Variants in KAZN observed in about 807,000 individuals in gnomAD.
The protein encoded by KAZN is kazrin.
Under a neutral mutation model 87.4 loss-of-function variants are expected in KAZN, and 40 were observed. That is an observed-to-expected ratio of 0.46 (90% CI 0.36 to 0.60). The LOEUF (loss-of-function observed/expected upper bound fraction) is 0.60. Ranked by LOEUF, KAZN falls within the 20% of genes least tolerant of loss-of-function variation. The pLI, the probability that KAZN is intolerant of heterozygous loss-of-function variation, is 0.00. For synonymous variants in KAZN, 466 were observed against 458.3 expected, an observed-to-expected ratio of 1.02 and a Z score of -0.22; for missense variants, 898 against 1,073.9, an observed-to-expected ratio of 0.84 and a Z score of 2.29.
chr1:14,774,936 C>A (rs933711428), intron 1 of KAZN, among the ~76,000 whole-genome samples: 1 of 152,186 alleles, frequency 6.6e-6, no homozygotes, highest in Non-Finnish European at 1.5e-5. Flanking sequence ...CGATTGAGAG[C>A]CCATGGAATA....
rs867183071 is a variant in KAZN, at chr1:15,065,909, G to A, written c.1222+156G>A. The A allele has an allele frequency of 4.1e-5, 60 of 1,463,150 alleles. No homozygotes were observed. The Middle Eastern group carries it at 2.3e-3, about 56-fold the overall frequency. 90.6% of individuals were successfully genotyped at this position (1,463,150 alleles called of 1,614,324 possible). ...GCGTGGGGTGCGTGTGCACGTGTGC[G>A]CTGGCACACATGGGTGCTGGGTGTG... On this transcript the variant is annotated intron_variant, in intron 8 of 14. Transcript: ENST00000376030.
intron 2 of KAZN, among the ~76,000 whole-genome samples, chr1:14,388,135 C>T (rs1054756785): frequency 2.4e-4 from 37 of 152,320 alleles, no homozygotes; most frequent in African/African-American, 7.5e-4. Context: ...TGATCCCTTG[C>T]GCTTCCCGAG....
chr1:14,135,013 A>ACACACG (rs773956027), intron 1 of KAZN, among the ~76,000 whole-genome samples: 1,395 of 77,128 alleles, frequency 0.018, 20 homozygotes, highest in African/African-American at 0.057. Flanking sequence ...ATGTGCACAC[A>ACACACG]TGCACACATA....
intron 1 of KAZN, among the ~76,000 whole-genome samples, chr1:14,734,815 A>G (rs1643843191): frequency 6.6e-6 from 1 of 152,350 alleles, no homozygotes; most frequent in Admixed American, 6.5e-5. Flanking sequence ...TCCAGGGCAC[A>G]CCAGTCTCCT....
intron 8 of KAZN, among the ~76,000 whole-genome samples, chr1:15,074,736 C>T (rs1639664075): frequency 6.6e-6 from 1 of 152,150 alleles, no homozygotes; most frequent in Non-Finnish European, 1.5e-5. Flanking sequence ...GGGCAAACTC[C>T]CTGGGTTTCA....
intron 2 of KAZN, among the ~76,000 whole-genome samples, chr1:14,311,453 C>T (rs867487336): frequency 1.1e-4 from 16 of 152,206 alleles, no homozygotes; most frequent in African/African-American, 3.6e-4. Flanking sequence ...CAATTTCCTC[C>T]ATTAAGACAG....
At position 14,224,803 on chromosome 1, in the gene KAZN, A is replaced by G. The variant is rs542482058; in HGVS notation, c.249+44211A>G. Among the ~76,000 whole-genome samples, 52 of 152,332 alleles carry G rather than the reference A, an allele frequency of 3.4e-4. 1 individual carries two copies. In the South Asian group the frequency reaches 0.01, roughly 30 times the overall value. ...ATGTTGGACTCAACTCTTCCTTTTC[A>G]TAATAAATATTTTGTAACATCCGTT... On this transcript the variant is annotated intron_variant, in intron 2 of 16. Transcript: ENST00000636203.
At chr1:15,046,436 C>CT (rs1673537106) in intron 4 of KAZN, among the ~76,000 whole-genome samples, 1 of 148,868 alleles carries the variant, frequency 6.7e-6, no homozygotes, top group African/African-American at 2.6e-5. Flanking sequence ...GAAGGATTGG[C>CT]TTTGCTGTCT....
At chr1:15,095,214 C>T (rs979244021) in intron 10 of KAZN, among the ~76,000 whole-genome samples, 1 of 152,234 alleles carries the variant, frequency 6.6e-6, no homozygotes. Context: ...CTCACGAGCC[C>T]CCCAGCACTC....
chr1:14,138,339 A>G (rs1336876337), intron 1 of KAZN, among the ~76,000 whole-genome samples: 2 of 152,130 alleles, frequency 1.3e-5, no homozygotes, highest in East Asian at 3.9e-4. Context: ...AAGCAGATCT[A>G]GGAGTCACGT....
At chr1:14,421,725 A>G (rs565559302) in intron 2 of KAZN, among the ~76,000 whole-genome samples, 2 of 152,146 alleles carry the variant, frequency 1.3e-5, no homozygotes, top group Non-Finnish European at 2.9e-5. Context: ...GAGAGTGGGC[A>G]TGTGACTGCC....
chr1:14,254,095 T>G (rs575633720), intron 2 of KAZN, among the ~76,000 whole-genome samples: 10 of 152,282 alleles, frequency 6.6e-5, no homozygotes, highest in African/African-American at 1.9e-4. Context: ...GATCTGCTTT[T>G]ATGCATTTTT....
intron 2 of KAZN, among the ~76,000 whole-genome samples, chr1:14,244,809 G>T (rs186801330): frequency 1.6e-4 from 24 of 152,210 alleles, no homozygotes; most frequent in Non-Finnish European, 1.2e-4. Context: ...TGGGTAGGGG[G>T]TGTTGACAGA....
intron 2 of KAZN, among the ~76,000 whole-genome samples, chr1:14,540,322 T>C (rs1173592490): frequency 6.6e-6 from 1 of 152,168 alleles, no homozygotes; most frequent in Non-Finnish European, 1.5e-5. Context: ...CCCCTTCCTC[T>C]CTTAGGTGAG....
In KAZN at chr1:14,923,037, CTTG is replaced by C. The variant is rs1346259048; in HGVS notation, c.227-37643_227-37641del. Among the ~76,000 whole-genome samples the C allele has an allele frequency of 4.6e-5, 7 of 152,186 alleles. No individual in the cohort carries two copies. The highest frequency in any genetic ancestry group is 1.0e-4 in the Non-Finnish European group (7 of 68,036). ...AGGGAAAGTAATTAGGTTCTCACAGCTTGTTGGACAGCCATAGGCCAGTGACCT... is the reference window on the plus strand; with the variant it reads ...AGGGAAAGTAATTAGGTTCTCACAGCTTGGACAGCCATAGGCCAGTGACCT... On this transcript the variant is annotated intron_variant, in intron 1 of 14. Transcript: ENST00000376030. The surrounding 1 kb of genome is among the most constrained non-coding windows in gnomAD (Gnocchi z 4.2).
intron 2 of KAZN, among the ~76,000 whole-genome samples, chr1:14,338,963 A>T (rs1355644563): frequency 6.6e-6 from 1 of 152,180 alleles, no homozygotes; most frequent in East Asian, 1.9e-4. Context: ...CACATTGCTG[A>T]ATCAATCCTT....
At chr1:15,033,896 G>A (rs1339518430) in intron 2 of KAZN, among the ~76,000 whole-genome samples, 4 of 152,002 alleles carry the variant, frequency 2.6e-5, no homozygotes, top group Admixed American at 2.0e-4. Flanking sequence ...ACACCACCAC[G>A]CCTGGCTAAT....
chr1:14,273,369 T>C (rs1652102994), intron 2 of KAZN, among the ~76,000 whole-genome samples: 1 of 152,158 alleles, frequency 6.6e-6, no homozygotes, highest in Admixed American at 6.5e-5. Flanking sequence ...GCTTTTTCTC[T>C]GGTCTCCTGG....
intron 1 of KAZN, among the ~76,000 whole-genome samples, chr1:14,141,321 C>A (rs750486365): frequency 6.6e-6 from 1 of 151,542 alleles, no homozygotes; most frequent in African/African-American, 2.4e-5. Context: ...GGGACCTGGC[C>A]GCAGAAGCTA....
Sources: gnomAD v4.1 joint callset for allele counts (sites outside exome capture counted in the v4.1 genomes callset) on GRCh38, gnomAD v4.1.1 for gene constraint, Gnocchi (gnomAD v3.1) non-coding constraint, MANE v1.5 for transcripts, NCBI Gene and HGNC (gene_info 2026-07-23, HGNC 2026-07-21) for gene names.